FGF3: variants seen among roughly 807,000 people sequenced by gnomAD.
FGF3 encodes the protein FGF-3.
A neutral mutation model predicts 9.8 loss-of-function variants in FGF3; 7 were observed. The ratio of observed to expected loss-of-function variants is 0.72; its 90% CI spans 0.41 to 1.35. FGF3 has a LOEUF of 1.35. Ranked by LOEUF, FGF3 falls within the 40% of genes most tolerant of loss-of-function variation. The probability of loss-of-function intolerance (pLI) is 0.01; values close to 1 mark genes in which losing one functional copy is unlikely to be tolerated. For synonymous variants in FGF3, 173 were observed against 157.2 expected (o/e 1.10, Z -0.75); for missense variants, 390 against 345.6 (o/e 1.13, Z -1.02).
rs530229532 is a variant in FGF3 at position 69,819,327 on chromosome 11, G to A, written c.-394C>T. ...GGGCTCGGGGTTCGGGCCGGGCGCC[G>A]TCTGCATACACTCGCCGCCAGCGCA... On this transcript the variant is annotated 5_prime_UTR_variant, in exon 1 of 3. The change creates a new upstream start codon in the 5' untranslated region. Transcript: ENST00000334134. Among the ~76,000 whole-genome samples the A allele has an allele frequency of 4.0e-5, 6 of 151,458 alleles. No individual in the cohort carries two copies. Among genetic ancestry groups the A allele is most frequent in the African/African-American group, 1.2e-4 (5 of 41,318 alleles).
rs923965349 is a variant in FGF3 at position 69,819,343 on chromosome 11, C to G, written c.-410G>C. 5.9e-5 allele frequency among the ~76,000 whole-genome samples: 9 copies of G among 151,616 alleles called. No individual in the cohort carries two copies. The highest frequency in any genetic ancestry group is 1.0e-4 in the Non-Finnish European group (7 of 67,842). On this transcript the variant is annotated 5_prime_UTR_variant, in exon 1 of 3. Transcript: ENST00000334134. Reference sequence around the variant, plus strand: ...CCGGGCGCCGTCTGCATACACTCGCCGCCAGCGCACCGCCGTCGAGCCGCG... The same window carrying G: ...CCGGGCGCCGTCTGCATACACTCGCGGCCAGCGCACCGCCGTCGAGCCGCG...
rs376445217 is a variant in FGF3, at chr11:69,810,667, G to C, written c.358C>G (p.Arg120Gly). ...HYSAECEFVERIHELGYNTYA... is the reference protein window; with the variant it reads ...HYSAECEFVEGIHELGYNTYA... ...GTATTATAGCCCAGCTCGTGGATCC[G>C]CTCCACAAACTCGCACTCGGCGCTG... The change falls in exon 3 of 3, where the codon CGG (arginine) becomes GGG (glycine). Residue 120 changes from arginine to glycine, a missense_variant. Arg to Gly is a moderately radical substitution (Grantham distance 125, BLOSUM62 -2). Transcript: ENST00000334134. The C allele has an allele frequency of 2.5e-6, 4 of 1,592,166 alleles. No homozygotes were observed. The highest frequency in any genetic ancestry group is 2.6e-6 in the Non-Finnish European group (3 of 1,165,666).
At chr11:69,815,416 G>A (rs1554980987) in intron 2 of FGF3, among the ~76,000 whole-genome samples, 1 of 152,148 alleles carries the variant, frequency 6.6e-6, no homozygotes, top group African/African-American at 2.4e-5. Flanking sequence ...AAATGAAGGG[G>A]CGCATCCCGG....
In FGF3 at chr11:69,819,124, T is replaced by G. The variant is rs1590966166; in HGVS notation, c.-191A>C. On this transcript the variant is annotated 5_prime_UTR_variant, in exon 1 of 3. Coordinates refer to ENST00000334134, the MANE Select transcript of FGF3 (RefSeq NM_005247.4). ...GCGAGAGAGAGAAAGAGAGGGAGAG[T>G]GGGAGAGGGAGAGGGAGAGAGGGAA... The G allele has an allele frequency of 9.6e-6, 4 of 418,654 alleles. No homozygotes were observed. Among genetic ancestry groups the G allele is most frequent in the Non-Finnish European group, 1.7e-5 (4 of 239,172 alleles). 25.9% of individuals were successfully genotyped at this position (418,654 alleles called of 1,614,324 possible). A position where few individuals can be genotyped will look rare whatever the true frequency, so the allele number is the denominator to read the frequency against.
In FGF3 at chr11:69,816,318, A is replaced by G. The variant is rs1554981074; in HGVS notation, c.324+2T>C. On this transcript the variant is annotated splice_donor_variant, in intron 2 of 2. Coordinates refer to ENST00000334134, the MANE Select transcript of FGF3 (RefSeq NM_005247.4). LOFTEE classifies it high-confidence loss of function. ...CCCACCCACGTGACAGCCTGGACTC[A>G]CCGAAGCATAGAGTCGTCCCCTCTT... 15 of 1,611,988 alleles carry G rather than the reference A, an allele frequency of 9.3e-6. No homozygotes were observed. Among genetic ancestry groups the G allele is most frequent in the Non-Finnish European group, 1.3e-5 (15 of 1,178,104 alleles).
At chr11:69,811,922 G>A (rs1856037287) in intron 2 of FGF3, among the ~76,000 whole-genome samples, 1 of 152,200 alleles carries the variant, frequency 6.6e-6, no homozygotes, top group African/African-American at 2.4e-5. Context: ...ACATCCCCAA[G>A]ACTTGGCCGT....
In FGF3 at chr11:69,810,423, G is replaced by C; in HGVS notation, c.602C>G (p.Pro201Arg). The C allele has an allele frequency of 6.3e-7, 1 of 1,582,572 alleles. No homozygotes were observed. Among genetic ancestry groups the C allele is most frequent in the Non-Finnish European group, 8.6e-7 (1 of 1,162,332 alleles). The change falls in exon 3 of 3, where the codon CCC becomes CGC. Residue 201 changes from proline to arginine, a missense_variant. Physicochemically the swap from Pro to Arg is moderately radical, Grantham distance 103. Coordinates refer to ENST00000334134, the MANE Select transcript of FGF3 (RefSeq NM_005247.4). ...TCGGGGCTGGACCCCCTTACCAGGG[G>C]GTCTGGGCAGCCCACTCTGTAGCTG... The part of the protein sequence containing the change: ...VRQLQSGLPR[P>R]PGKGVQPRRR...
In FGF3 at chr11:69,810,464, G is replaced by T. The variant is rs1554980324; in HGVS notation, c.561C>A (p.Asp187Glu). The change falls in exon 3 of 3, where the codon GAC (aspartate) becomes GAA (glutamate). Residue 187 changes from aspartate to glutamate, a missense_variant. Asp to Glu is a conservative substitution (Grantham distance 45). Coordinates refer to ENST00000334134, the MANE Select transcript of FGF3 (RefSeq NM_005247.4). ...LFLPRVLDHR[D>E]HEMVRQLQSG... ...TCTGTAGCTGCCGCACCATCTCGTG[G>T]TCCCTGTGGTCCAGCACGCGGGGCA... is the stretch of plus-strand genomic sequence containing the variant. 1 of 1,603,526 alleles carries T rather than the reference G, an allele frequency of 6.2e-7. No homozygotes were observed. Among genetic ancestry groups the T allele is most frequent in the Admixed American group, 1.7e-5 (1 of 58,312 alleles).
Position 69,813,760 on chromosome 11 carries a change from G to GGTTGGC in FGF3, c.324+2559_324+2560insGCCAAC, listed in dbSNP as rs1856071510. Among the ~76,000 whole-genome samples the GGTTGGC allele has an allele frequency of 2.0e-4, 16 of 78,336 alleles. 1 individual carries two copies. The highest frequency in any genetic ancestry group is 6.8e-4 in the African/African-American group (13 of 19,010). The allele number at this position is 78,336 out of a possible 152,430, so 51.4% of individuals were successfully genotyped here. ...GGTGGATGGCTGGATGGATGGATGG[G>GGTTGGC]TGGATGGGTGGATGGATGGATGGAT... is the stretch of plus-strand genomic sequence containing the variant. On this transcript the variant is annotated intron_variant, in intron 2 of 2. Transcript: ENST00000334134.
chr11:69,817,778 C>A (rs1554981250), intron 1 of FGF3, among the ~76,000 whole-genome samples: 1 of 152,180 alleles, frequency 6.6e-6, no homozygotes, highest in African/African-American at 2.4e-5. Flanking sequence ...GTGGTCTTGA[C>A]TGCCCTCCCA....
In FGF3 at chr11:69,818,953, C is replaced by CGCG. The variant is rs782217010; in HGVS notation, c.-23_-21dup. On this transcript the variant is annotated 5_prime_UTR_variant, in exon 1 of 3. Coordinates refer to ENST00000334134, the MANE Select transcript of FGF3 (RefSeq NM_005247.4). The stretch of plus-strand genomic sequence containing the variant: ...GCCCATCGTGGCATCGCGCCCGCCC[C>CGCG]GCGGCGGCGGCGGCTGCAGGCGAGC... The CGCG allele has an allele frequency of 3.5e-6, 5 of 1,444,258 alleles. No homozygotes were observed. Among genetic ancestry groups the CGCG allele is most frequent in the Admixed American group, 2.5e-5 (1 of 40,332 alleles). 89.5% of individuals were successfully genotyped at this position (1,444,258 alleles called of 1,614,324 possible). A position where few individuals can be genotyped will look rare whatever the true frequency, so the allele number is the denominator to read the frequency against.
At chr11:69,812,674 CTG>C in intron 2 of FGF3, among the ~76,000 whole-genome samples, 1 of 152,284 alleles carries the variant, frequency 6.6e-6, no homozygotes, top group East Asian at 1.9e-4. Context: ...ACCCCACACA[CTG>C]GGTACACCAT....
intron 2 of FGF3, among the ~76,000 whole-genome samples, chr11:69,813,111 G>A (rs548769641): frequency 1.2e-3 from 187 of 152,260 alleles, no homozygotes; most frequent in African/African-American, 4.3e-3. Context: ...CCCCAGGGCC[G>A]CTTCCACCCC....
rs908179127 is a variant in FGF3, at chr11:69,816,395, C to T, written c.249G>A (p.Val83=). The change falls in exon 2 of 3, where the codon GTG becomes GTA. Residue 83 remains valine, a synonymous_variant. Coordinates refer to ENST00000334134, the MANE Select transcript of FGF3 (RefSeq NM_005247.4). ...AGAGACCCCTGATGGCCACAATGCC[C>T]ACCTCCACTGCCGTTATCTCCAAAA... ...YSILEITAVE[V]GIVAIRGLFS... 6.2e-7 allele frequency: 1 copy of T among 1,613,886 alleles called. No homozygotes were observed. The highest frequency in any genetic ancestry group is 8.5e-7 in the Non-Finnish European group (1 of 1,179,906).
chr11:69,819,275 G>A lies in FGF3; in HGVS notation c.-342C>T, dbSNP rs1216733799. Among the ~76,000 whole-genome samples the A allele has an allele frequency of 6.6e-6, 1 of 151,680 alleles. No individual in the cohort carries two copies. Among genetic ancestry groups the A allele is most frequent in the Non-Finnish European group, 1.5e-5 (1 of 67,830 alleles). On this transcript the variant is annotated 5_prime_UTR_variant, in exon 1 of 3. Coordinates refer to ENST00000334134, the MANE Select transcript of FGF3 (RefSeq NM_005247.4). ...CCCAGGCGGAGGCGCGGGAGGGGCG[G>A]GAGGCCGGCGGGTGGGGAGCCCCGC...
At chr11:69,816,237 C>T (rs1856130298) in intron 2 of FGF3, 83 bp downstream of exon 2, 6 of 1,084,990 alleles carry the variant, frequency 5.5e-6, no homozygotes, top group Non-Finnish European at 8.6e-6. Flanking sequence ...CATTCTACTG[C>T]CCACATCCCC....
chr11:69,813,640 G>A lies in FGF3; in HGVS notation c.324+2680C>T, dbSNP rs868979042. 4.1e-3 allele frequency among the ~76,000 whole-genome samples: 422 copies of A among 102,462 alleles called. 3 individuals carry two copies. The highest frequency in any genetic ancestry group is 6.3e-3 in the Non-Finnish European group (302 of 47,776). The allele number at this position is 102,462 out of a possible 152,430, so 67.2% of individuals were successfully genotyped here. On this transcript the variant is annotated intron_variant, in intron 2 of 2. Coordinates refer to ENST00000334134, the MANE Select transcript of FGF3 (RefSeq NM_005247.4). ...GGTGGATGGATGGATGGATGGATGG[G>A]TGGATGGGTGGATGGATGGATGGGT...
rs1420432005 is a variant in FGF3, at chr11:69,819,111, AAG to A, written c.-180_-179del. The A allele has an allele frequency of 2.3e-6, 1 of 431,814 alleles. No individual in the cohort carries two copies. The highest frequency in any genetic ancestry group is 2.1e-5 in the African/African-American group (1 of 47,802). 26.7% of individuals were successfully genotyped at this position (431,814 alleles called of 1,614,324 possible). On this transcript the variant is annotated 5_prime_UTR_variant, in exon 1 of 3. Coordinates refer to ENST00000334134, the MANE Select transcript of FGF3 (RefSeq NM_005247.4). ...GGGGGAAGGGTGGGCGAGAGAGAGA[AAG>A]AGAGGGAGAGTGGGAGAGGGAGAGG... is the stretch of plus-strand genomic sequence containing the variant.
At chr11:69,814,340 C>G (rs1288799419) in intron 2 of FGF3, among the ~76,000 whole-genome samples, 2 of 151,820 alleles carry the variant, frequency 1.3e-5, no homozygotes, top group Non-Finnish European at 2.9e-5. Flanking sequence ...CAGGAGGGGT[C>G]TACCATGACT....
Sources: gnomAD v4.1 joint callset for allele counts (sites outside exome capture counted in the v4.1 genomes callset) on GRCh38, gnomAD v4.1.1 for gene constraint, MANE v1.5 for transcripts, NCBI Gene and HGNC (gene_info 2026-07-23, HGNC 2026-07-21) for gene names.